CELF1: variants seen among roughly 807,000 people sequenced by gnomAD.
The protein encoded by CELF1 is CUGBP Elav-like family member 1, also known as 50 kDa nuclear polyadenylated RNA-binding protein.
Under a neutral mutation model 61.8 loss-of-function variants are expected in CELF1, and 10 were observed. That is an observed-to-expected ratio of 0.16 (90% CI 0.10 to 0.27). CELF1 has a LOEUF of 0.27. Among genes scored for constraint, CELF1 ranks in the 10% least tolerant of loss-of-function variants. CELF1 has a pLI of 1.00. For synonymous variants in CELF1, 236 were observed against 225.1 expected, an observed-to-expected ratio of 1.05 and a Z score of -0.43; for missense variants, 380 against 639.1, an observed-to-expected ratio of 0.59 and a Z score of 4.37.
intron 1 of CELF1, among the ~76,000 whole-genome samples, chr11:47,515,296 C>T (rs2095495359): frequency 6.6e-6 from 1 of 152,158 alleles, no homozygotes; most frequent in Admixed American, 6.6e-5. Context: ...AGCTCTGAAC[C>T]CACCGAGGGA....
At chr11:47,490,804 C>T (rs1439587385) in intron 3 of CELF1, among the ~76,000 whole-genome samples, 1 of 152,014 alleles carries the variant, frequency 6.6e-6, no homozygotes, top group East Asian at 1.9e-4. Context: ...TCTGAAGATC[C>T]TTAAGAATGC....
At chr11:47,475,902 C>T (rs1424160943) in intron 12 of CELF1, among the ~76,000 whole-genome samples, 1 of 152,140 alleles carries the variant, frequency 6.6e-6, no homozygotes, top group Non-Finnish European at 1.5e-5. Flanking sequence ...GTGGGTGAAC[C>T]CTACCATTAA....
Position 47,477,403 on chromosome 11 carries a change from C to A in CELF1, c.867G>T (p.Gln289His), listed in dbSNP as rs200517128. The part of the protein sequence containing the change: ...PMGGLNAMQL[Q>H]NLAALAAAAS... Reference sequence around the variant, plus strand: ...CTGCAGCAGCTAGTGCAGCCAAATTCTGTAACTGCATTGCATTCAACCCTA... The same window carrying A: ...CTGCAGCAGCTAGTGCAGCCAAATTATGTAACTGCATTGCATTCAACCCTA... Residue 289 changes from glutamine to histidine, a missense_variant, in exon 11 of 15, where the codon CAG (glutamine) becomes CAT (histidine). Physicochemically the swap from Gln to His is conservative, Grantham distance 24. Transcript: ENST00000687097. 4 of 1,613,802 alleles carry A rather than the reference C, an allele frequency of 2.5e-6. No individual in the cohort carries two copies. Among genetic ancestry groups the A allele is most frequent in the Non-Finnish European group, 3.4e-6 (4 of 1,179,936 alleles).
chr11:47,527,078 A>G (rs543546112), intron 1 of CELF1, among the ~76,000 whole-genome samples: 64 of 151,666 alleles, frequency 4.2e-4, no homozygotes, highest in African/African-American at 1.5e-3. Context: ...TCAAAGAAAA[A>G]AGCACTGCCT....
intron 1 of CELF1, among the ~76,000 whole-genome samples, chr11:47,548,474 T>C (rs1403903554): frequency 6.6e-6 from 1 of 152,116 alleles, no homozygotes; most frequent in Non-Finnish European, 1.5e-5. Context: ...GAACATGAAA[T>C]ATTTTGTGTA....
At chr11:47,518,090 A>G (rs994018712) in intron 1 of CELF1, among the ~76,000 whole-genome samples, 1 of 152,220 alleles carries the variant, frequency 6.6e-6, no homozygotes, top group Non-Finnish European at 1.5e-5. Flanking sequence ...TATAAAGCAC[A>G]AAGTAAAGAA....
chr11:47,494,454 A>T (rs1156616325), intron 3 of CELF1: 4 of 982,994 alleles, frequency 4.1e-6, no homozygotes, highest in Non-Finnish European at 4.8e-6. Flanking sequence ...CTATGAGAAA[A>T]TACAATAGGG....
chr11:47,553,065 G>A lies in CELF1; in HGVS notation c.-227C>T. 7 of 401,318 alleles carry A rather than the reference G, an allele frequency of 1.7e-5. No individual in the cohort carries two copies. The East Asian group carries it at 2.1e-4, about 12-fold the overall frequency. The allele number at this position is 401,318 out of a possible 1,614,324, so 24.9% of individuals were successfully genotyped here. A position where few individuals can be genotyped will look rare whatever the true frequency, so the allele number is the denominator to read the frequency against. Reference sequence around the variant, plus strand: ...CCGCAGCCGCCGCCGCCGCCTCGCTGCTGAGGCCGAATCCCGGGGGAGCCT... The same window carrying A: ...CCGCAGCCGCCGCCGCCGCCTCGCTACTGAGGCCGAATCCCGGGGGAGCCT... On this transcript the variant is annotated 5_prime_UTR_variant, in exon 1 of 15. Coordinates refer to ENST00000687097, the MANE Select transcript of CELF1 (RefSeq NM_001376376.1).
intron 9 of CELF1, among the ~76,000 whole-genome samples, chr11:47,481,629 C>A (rs2083312230): frequency 6.6e-6 from 1 of 152,080 alleles, no homozygotes; most frequent in African/African-American, 2.4e-5. Context: ...AGTGGTTTCA[C>A]CATTAATAGC....
At chr11:47,475,268 G>A (rs966329539) in intron 13 of CELF1, 68 bp downstream of exon 13, 35 of 1,492,366 alleles carry the variant, frequency 2.3e-5, no homozygotes, top group South Asian at 1.7e-4. Flanking sequence ...CCTTTGCTCT[G>A]CCTTTCCGTT....
At chr11:47,558,589 T>TAGATATAA (rs1555194427) in intron 2 of CELF1, among the ~76,000 whole-genome samples, 3 of 110,630 alleles carry the variant, frequency 2.7e-5, no homozygotes, top group Non-Finnish European at 1.7e-5. Flanking sequence ...ATATATATAT[T>TAGATATAA]TATATTATAT....
intron 8 of CELF1, 42 bp from the exon 9 acceptor site, chr11:47,482,898 G>A: frequency 3.2e-6 from 5 of 1,562,806 alleles, no homozygotes; most frequent in Admixed American, 3.9e-5. Context: ...TCCTCCATCT[G>A]AAAAGAAGAA....
chr11:47,478,493 T>C (rs1215575765), intron 10 of CELF1, among the ~76,000 whole-genome samples: 1 of 152,268 alleles, frequency 6.6e-6, no homozygotes, highest in African/African-American at 2.4e-5. Context: ...GTAGGGCATT[T>C]GCATGGAAGC....
intron 1 of CELF1, among the ~76,000 whole-genome samples, chr11:47,518,841 T>C (rs1001341635): frequency 6.6e-6 from 1 of 152,152 alleles, no homozygotes; most frequent in African/African-American, 2.4e-5. Context: ...TCCAAAATCC[T>C]TGACCAAGCA....
chr11:47,483,422 G>A (rs975412416), intron 8 of CELF1, 31 bp downstream of exon 8: 22 of 1,578,296 alleles, frequency 1.4e-5, no homozygotes, highest in Non-Finnish European at 1.7e-5. Context: ...CCAAGCTGAG[G>A]AATTTTCCCC....
At chr11:47,484,678 T>G (rs2085527048) in intron 6 of CELF1, among the ~76,000 whole-genome samples, 155 bp from the exon 7 acceptor site, 4 of 152,222 alleles carry the variant, frequency 2.6e-5, no homozygotes, top group African/African-American at 7.2e-5. Context: ...TTTTCACATC[T>G]CTTTTTTTCT....
At chr11:47,539,206 A>G (rs2096712689) in intron 1 of CELF1, among the ~76,000 whole-genome samples, 1 of 152,186 alleles carries the variant, frequency 6.6e-6, no homozygotes, top group African/African-American at 2.4e-5. Flanking sequence ...AAAATTAAAA[A>G]CAAATAATTA....
chr11:47,477,980 C>T (rs2081023638), intron 10 of CELF1, among the ~76,000 whole-genome samples: 1 of 151,798 alleles, frequency 6.6e-6, no homozygotes, highest in Admixed American at 6.6e-5. Flanking sequence ...GAAAGACTTC[C>T]AAGTAGAGCC....
chr11:47,564,856 C>A (rs1440955682), intron 1 of CELF1, among the ~76,000 whole-genome samples: 1 of 152,138 alleles, frequency 6.6e-6, no homozygotes, highest in Non-Finnish European at 1.5e-5. Context: ...TTGTAGGTTG[C>A]AGGTTTTATA....
Sources: allele counts gnomAD v4.1 joint callset (sites outside exome capture counted in the v4.1 genomes callset), GRCh38; gene constraint gnomAD v4.1.1; transcripts MANE v1.5; gene names NCBI Gene and HGNC (gene_info 2026-07-23, HGNC 2026-07-21).